IRAK1BP1: variants seen among roughly 807,000 people sequenced by gnomAD.
IRAK1BP1 encodes interleukin-1 receptor-associated kinase 1-binding protein 1.
Under a neutral mutation model 28.0 loss-of-function variants are expected in IRAK1BP1, and 24 were observed. The observed-to-expected ratio is 0.86, with a 90% CI of 0.62 to 1.20. The LOEUF is 1.20. IRAK1BP1 is among the 50% of genes most tolerant of loss of function. The probability of loss-of-function intolerance (pLI) is 0.00; values close to 1 mark genes in which losing one functional copy is unlikely to be tolerated. For synonymous variants in IRAK1BP1, 131 were observed against 116.3 expected (o/e 1.13, Z -0.81); for missense variants, 336 against 316.7 (o/e 1.06, Z -0.46).
At chr6:78,944,082 A>G (rs1255401198) in intron 4 of IRAK1BP1, among the ~76,000 whole-genome samples, 1 of 151,630 alleles carries the variant, frequency 6.6e-6, no homozygotes, top group Non-Finnish European at 1.5e-5. Flanking sequence ...TTTAAGTGAG[A>G]CGTGAAAGGC....
intron 4 of IRAK1BP1, among the ~76,000 whole-genome samples, chr6:78,943,120 A>G (rs1334218019): frequency 6.6e-6 from 1 of 152,188 alleles, no homozygotes; most frequent in Non-Finnish European, 1.5e-5. Flanking sequence ...GATAAATAAA[A>G]TATTATTAAA....
intron 1 of IRAK1BP1, among the ~76,000 whole-genome samples, chr6:78,880,676 C>G (rs990785443): frequency 2.0e-5 from 3 of 152,172 alleles, no homozygotes; most frequent in Non-Finnish European, 4.4e-5. Context: ...ATATAGACCT[C>G]AATTCAGCAG....
At chr6:78,896,175 A>G (rs183090130) in intron 2 of IRAK1BP1, among the ~76,000 whole-genome samples, 1 of 152,292 alleles carries the variant, frequency 6.6e-6, no homozygotes, top group Non-Finnish European at 1.5e-5. Flanking sequence ...AAATTAATCT[A>G]TACAATCCTA....
downstream of IRAK1BP1, among the ~76,000 whole-genome samples, chr6:78,950,499 A>T (rs2127686334): frequency 6.6e-6 from 1 of 152,336 alleles, no homozygotes; most frequent in East Asian, 1.9e-4. Flanking sequence ...GAAAACTTAT[A>T]ATCACAAATT....
intron 2 of IRAK1BP1, among the ~76,000 whole-genome samples, chr6:78,893,314 G>GTATATATATATATATATATATATATATA (rs60728695): frequency 1.9e-5 from 2 of 103,456 alleles, no homozygotes; most frequent in Non-Finnish European, 3.9e-5. Context: ...GTGTGTGTGT[G>GTATATATATATATATATATATATATATA]TATATATATA....
At chr6:78,870,109 CAAAAAAAAAAAAAA>C (rs70977749) in intron 1 of IRAK1BP1, among the ~76,000 whole-genome samples, 23 of 41,562 alleles carry the variant, frequency 5.5e-4, no homozygotes, top group East Asian at 2.4e-3. Context: ...AACTCCGTCC[CAAAAAAAAAAAAAA>C]AAAAAAAAAA....
chr6:78,895,129 T>G (rs1582019036), intron 2 of IRAK1BP1, among the ~76,000 whole-genome samples: 1 of 150,316 alleles, frequency 6.7e-6, no homozygotes, highest in African/African-American at 2.4e-5. Flanking sequence ...AAAAAAAAAG[T>G]ATTTGAATCA....
chr6:78,934,546 C>T (rs780637091), intron 4 of IRAK1BP1, among the ~76,000 whole-genome samples: 69 of 152,166 alleles, frequency 4.5e-4, no homozygotes, highest in Non-Finnish European at 8.7e-4. Flanking sequence ...GAAAACCTCA[C>T]ACTTAACAAC....
At chr6:78,874,571 T>C (rs1278492014) in intron 1 of IRAK1BP1, among the ~76,000 whole-genome samples, 4 of 152,178 alleles carry the variant, frequency 2.6e-5, no homozygotes, top group Non-Finnish European at 4.4e-5. Flanking sequence ...CTCCCCTCAT[T>C]ACTCTTCTGA....
At chr6:78,929,234 C>T (rs1772978693) in intron 4 of IRAK1BP1, among the ~76,000 whole-genome samples, 1 of 152,084 alleles carries the variant, frequency 6.6e-6, no homozygotes, top group Admixed American at 6.5e-5. Flanking sequence ...AATGATCAAT[C>T]TTGGCAGGTT....
At chr6:78,869,268 C>G (rs1026127117) in intron 1 of IRAK1BP1, among the ~76,000 whole-genome samples, 2 of 152,228 alleles carry the variant, frequency 1.3e-5, no homozygotes, top group Non-Finnish European at 2.9e-5. Flanking sequence ...GCCTGTAATG[C>G]CAACACTTTG....
intron 4 of IRAK1BP1, chr6:78,937,209 G>C (rs1773303219): frequency 6.6e-6 from 1 of 151,606 alleles, no homozygotes; most frequent in Non-Finnish European, 1.5e-5. Context: ...GTTTTCATTA[G>C]ATAGAAAACT....
chr6:78,919,646 A>G (rs1395128687), intron 4 of IRAK1BP1, among the ~76,000 whole-genome samples: 1 of 152,216 alleles, frequency 6.6e-6, no homozygotes, highest in African/African-American at 2.4e-5. Context: ...AATCAGGAAG[A>G]AACTGAAACC....
downstream of IRAK1BP1, among the ~76,000 whole-genome samples, chr6:78,904,641 A>T (rs1772213942): frequency 6.6e-6 from 1 of 152,196 alleles, no homozygotes; most frequent in Non-Finnish European, 1.5e-5. Flanking sequence ...AATCAGTCAT[A>T]TATATTATAA....
chr6:78,966,720 A>T, the IRAK1BP1 span, among the ~76,000 whole-genome samples: 1 of 152,204 alleles, frequency 6.6e-6, no homozygotes, highest in Non-Finnish European at 1.5e-5. Flanking sequence ...TATAAATGCT[A>T]TGGCTTTTTC....
At chr6:78,963,027 GAAT>G in the IRAK1BP1 span, 1 of 1,411,200 alleles carries the variant, frequency 7.1e-7, no homozygotes, top group Non-Finnish European at 9.5e-7. Context: ...TTTTGTTGGA[GAAT>G]AACAGTATTT....
downstream of IRAK1BP1, among the ~76,000 whole-genome samples, chr6:78,950,881 C>T (rs970281507): frequency 6.6e-6 from 1 of 151,666 alleles, no homozygotes; most frequent in African/African-American, 2.4e-5. Context: ...GTTGGCTTAC[C>T]TTTGGGTGAT....
chr6:78,942,839 T>C (rs1359646350), intron 4 of IRAK1BP1, among the ~76,000 whole-genome samples: 1 of 152,214 alleles, frequency 6.6e-6, no homozygotes, highest in Non-Finnish European at 1.5e-5. Context: ...TATGTACATT[T>C]TTCTGAGACA....
At chr6:78,930,472 TTAA>T (rs1371765501) in intron 4 of IRAK1BP1, among the ~76,000 whole-genome samples, 3 of 152,176 alleles carry the variant, frequency 2.0e-5, no homozygotes, top group Non-Finnish European at 4.4e-5. Context: ...GCTATATATA[TTAA>T]TGAGATTTGC....
Sources: gnomAD v4.1 joint callset for allele counts (sites outside exome capture counted in the v4.1 genomes callset) on GRCh38, gnomAD v4.1.1 for gene constraint, MANE v1.5 for transcripts, NCBI Gene and HGNC (gene_info 2026-07-23, HGNC 2026-07-21) for gene names.